CNBD1: variants seen among roughly 807,000 people sequenced by gnomAD.
CNBD1 encodes the protein cyclic nucleotide-binding domain-containing protein 1.
In CNBD1, 71 loss-of-function variants were observed where a neutral mutation model predicts 54.4. The ratio of observed to expected loss-of-function variants is 1.30; its 90% CI spans 1.08 to 1.59. The LOEUF is 1.59. Among genes scored for constraint, CNBD1 ranks in the 40% most tolerant of loss-of-function variants. CNBD1 has a pLI of 0.00. For synonymous variants in CNBD1, 182 were observed against 170.7 expected, an observed-to-expected ratio of 1.07 and a Z score of -0.51; for missense variants, 659 against 518.0, an observed-to-expected ratio of 1.27 and a Z score of -2.64.
At chr8:87,245,148 C>T (rs545978598) in intron 6 of CNBD1, among the ~76,000 whole-genome samples, 1 of 152,116 alleles carries the variant, frequency 6.6e-6, no homozygotes, top group African/African-American at 2.4e-5. Context: ...TCTTAATCAT[C>T]ACAACATGTA....
At chr8:87,375,529 A>T (rs1810909420) in intron 10 of CNBD1, among the ~76,000 whole-genome samples, 1 of 151,772 alleles carries the variant, frequency 6.6e-6, no homozygotes, top group African/African-American at 2.4e-5. Flanking sequence ...AAGCCATAGC[A>T]TTCCTTATAA....
At chr8:87,389,778 C>T (rs1811269931) in intron 2 of CNBD1, among the ~76,000 whole-genome samples, 1 of 152,142 alleles carries the variant, frequency 6.6e-6, no homozygotes, top group Admixed American at 6.5e-5. Context: ...AAAAAGGAGC[C>T]CGCATTGCCC....
intron 4 of CNBD1, among the ~76,000 whole-genome samples, chr8:86,955,142 G>A (rs533740392): frequency 9.4e-4 from 143 of 152,098 alleles, no homozygotes; most frequent in African/African-American, 3.2e-3. Flanking sequence ...CTTCATCCAC[G>A]TCCCTACAAA....
chr8:86,963,462 G>A (rs929299439), intron 4 of CNBD1, among the ~76,000 whole-genome samples: 4 of 152,102 alleles, frequency 2.6e-5, no homozygotes, highest in African/African-American at 9.7e-5. Flanking sequence ...TGCCTCAGGG[G>A]GGTGTATGAA....
chr8:87,121,890 A>G (rs1811897870), intron 4 of CNBD1, among the ~76,000 whole-genome samples: 1 of 151,572 alleles, frequency 6.6e-6, no homozygotes, highest in Non-Finnish European at 1.5e-5. Flanking sequence ...GTGTGTGTAT[A>G]TATATATACA....
At chr8:87,324,135 G>A (rs1039704423) in intron 8 of CNBD1, among the ~76,000 whole-genome samples, 7 of 124,408 alleles carry the variant, frequency 5.6e-5, no homozygotes, top group Admixed American at 1.6e-4. Flanking sequence ...AACCAGCCTT[G>A]CATCCCAGGG....
intron 4 of CNBD1, among the ~76,000 whole-genome samples, chr8:87,013,132 T>C (rs1809260460): frequency 6.6e-6 from 1 of 152,208 alleles, no homozygotes; most frequent in Non-Finnish European, 1.5e-5. Flanking sequence ...CAGGGGCCCA[T>C]TGAAGCCCCA....
At chr8:87,351,413 CT>C (rs1171123500) in intron 8 of CNBD1, among the ~76,000 whole-genome samples, 1 of 152,150 alleles carries the variant, frequency 6.6e-6, no homozygotes, top group Non-Finnish European at 1.5e-5. Context: ...TTCCCCTTTC[CT>C]TCCTGCATTG....
chr8:87,262,921 G>A (rs529579971), intron 6 of CNBD1, among the ~76,000 whole-genome samples: 1 of 152,130 alleles, frequency 6.6e-6, no homozygotes, highest in Admixed American at 6.6e-5. Flanking sequence ...GATGGAGTGG[G>A]AATGGGTAGA....
intron 4 of CNBD1, among the ~76,000 whole-genome samples, chr8:87,099,675 G>A (rs1287691081): frequency 6.6e-6 from 1 of 152,136 alleles, no homozygotes; most frequent in Non-Finnish European, 1.5e-5. Context: ...TGAACAATTG[G>A]AAGTTTGAAA....
At chr8:87,154,497 T>C (rs1454212030) in intron 4 of CNBD1, among the ~76,000 whole-genome samples, 1 of 152,180 alleles carries the variant, frequency 6.6e-6, no homozygotes, top group Non-Finnish European at 1.5e-5. Context: ...TACAGTAGCA[T>C]TTGTCAAAGT....
intron 5 of CNBD1, among the ~76,000 whole-genome samples, chr8:87,228,572 C>T (rs1814572338): frequency 6.6e-6 from 1 of 150,726 alleles, no homozygotes; most frequent in Non-Finnish European, 1.5e-5. Context: ...GGGTCAGGGA[C>T]CCACTTGAGG....
intron 8 of CNBD1, among the ~76,000 whole-genome samples, chr8:87,344,096 G>A (rs57008259): frequency 3.2e-3 from 489 of 152,106 alleles, no homozygotes; most frequent in African/African-American, 0.011. Flanking sequence ...GAAAAGGCCA[G>A]TAATTTTTAA....
Position 87,392,425 on chromosome 8 carries a change from G to T in CNBD1, c.214-36121G>T, listed in dbSNP as rs887167721. Among the ~76,000 whole-genome samples, 5 of 151,980 alleles carry T rather than the reference G, an allele frequency of 3.3e-5. No homozygotes were observed. The East Asian group carries it at 9.7e-4, about 29-fold the overall frequency. On this transcript the variant is annotated intron_variant, in intron 2 of 7. Transcript: ENST00000521593. ...ACAACTAAAAAGTTCATTAACCGAT[G>T]AAGGGATAAATTAAAATGTCATAAG...
At chr8:86,961,232 T>A (rs75635886) in intron 4 of CNBD1, among the ~76,000 whole-genome samples, 4,022 of 152,228 alleles carry the variant, frequency 0.026, 187 homozygotes, top group African/African-American at 0.092. Flanking sequence ...CTTACCAGTT[T>A]TACTTTGTTT....
Position 87,031,777 on chromosome 8 carries a change from A to G in CNBD1, c.431+92023A>G, listed in dbSNP as rs1044318212. On this transcript the variant is annotated intron_variant, in intron 4 of 10. Transcript: ENST00000518476. ...TATTTTTGAGATGGAGTCTCGCTCT[A>G]TCACCCAGGCTGGAGTTCAGTGGTG... Among the ~76,000 whole-genome samples, 4 of 152,118 alleles carry G rather than the reference A, an allele frequency of 2.6e-5. No homozygotes were observed. The South Asian group carries it at 6.2e-4, about 24-fold the overall frequency.
chr8:87,091,446 A>G (rs951976478), intron 4 of CNBD1, among the ~76,000 whole-genome samples: 2 of 152,164 alleles, frequency 1.3e-5, no homozygotes, highest in African/African-American at 2.4e-5. Flanking sequence ...CATCTCTAAC[A>G]TCAACTCCAG....
chr8:87,321,370 T>G (rs2130899783), intron 8 of CNBD1, among the ~76,000 whole-genome samples: 1 of 152,338 alleles, frequency 6.6e-6, no homozygotes, highest in East Asian at 1.9e-4. Flanking sequence ...TTTGCTTGTT[T>G]GTTTGATTGT....
intron 8 of CNBD1, among the ~76,000 whole-genome samples, chr8:87,327,463 G>T (rs988359875): frequency 6.6e-6 from 1 of 152,196 alleles, no homozygotes; most frequent in Admixed American, 6.5e-5. Context: ...GAGATTCCGT[G>T]GGCGTAGGAT....
Sources: allele counts gnomAD v4.1 joint callset (sites outside exome capture counted in the v4.1 genomes callset), GRCh38; gene constraint gnomAD v4.1.1; transcripts MANE v1.5; gene names NCBI Gene and HGNC (gene_info 2026-07-23, HGNC 2026-07-21).